Variants in DOCK10 observed in about 807,000 individuals in gnomAD.
The protein encoded by DOCK10 is dedicator of cytokinesis 10, also known as dedicator of cytokinesis protein 10.
In DOCK10, 145 loss-of-function variants were observed where a neutral mutation model predicts 280.1. The ratio of observed to expected loss-of-function variants is 0.52; its 90% confidence interval spans 0.45 to 0.59. DOCK10 has a LOEUF of 0.59. DOCK10 is among the 20% of genes least tolerant of loss of function. The pLI, the probability that DOCK10 is intolerant of heterozygous loss-of-function variation, is 0.00. For missense variants in DOCK10, 2,368 were observed against 2,651.7 expected (o/e 0.89, Z 2.35); for synonymous variants, 915 against 942.2 (o/e 0.97, Z 0.53).
intron 50 of DOCK10, among the ~76,000 whole-genome samples, chr2:224,785,292 C>CT (rs71774747): frequency 0.57 from 84,490 of 148,594 alleles, 25,892 homozygotes; most frequent in African/African-American, 0.8. Context: ...TCTAAATTTG[C>CT]TTTTTTTTTT....
chr2:224,799,866 A>T (rs1692850445), intron 41 of DOCK10, among the ~76,000 whole-genome samples: 1 of 152,188 alleles, frequency 6.6e-6, no homozygotes, highest in Admixed American at 6.5e-5. Context: ...ACAGAGTCAC[A>T]CTATCACTCA....
At chr2:224,853,569 T>G (rs964252432) in intron 16 of DOCK10, among the ~76,000 whole-genome samples, 2 of 152,204 alleles carry the variant, frequency 1.3e-5, no homozygotes, top group African/African-American at 2.4e-5. Context: ...AATAGCAATA[T>G]CTCTCTAAAT....
At chr2:224,921,224 C>T (rs1467606076) in intron 2 of DOCK10, among the ~76,000 whole-genome samples, 2 of 147,020 alleles carry the variant, frequency 1.4e-5, no homozygotes, top group Non-Finnish European at 3.0e-5. Context: ...ATCACTCGAA[C>T]CTGGGAGGGG....
intron 1 of DOCK10, among the ~76,000 whole-genome samples, chr2:224,998,330 G>GAACATTACC: frequency 6.6e-6 from 1 of 151,912 alleles, no homozygotes; most frequent in South Asian, 2.1e-4. Flanking sequence ...AGGAGCAAAC[G>GAACATTACC]AACATTACCA....
chr2:224,877,374 G>A (rs930103190), intron 7 of DOCK10, among the ~76,000 whole-genome samples: 9 of 143,388 alleles, frequency 6.3e-5, no homozygotes, highest in Non-Finnish European at 1.3e-4. Flanking sequence ...GACACTTGAA[G>A]GATTCAATAG....
intron 1 of DOCK10, among the ~76,000 whole-genome samples, chr2:225,016,631 A>ATATGTG (rs1559962957): frequency 3.9e-4 from 13 of 33,384 alleles, no homozygotes; most frequent in South Asian, 1.4e-3. Flanking sequence ...GCACATAGAT[A>ATATGTG]CATATATCTA....
intron 11 of DOCK10, among the ~76,000 whole-genome samples, chr2:224,866,579 A>G (rs1392649763): frequency 6.6e-6 from 1 of 152,190 alleles, no homozygotes; most frequent in Admixed American, 6.5e-5. Context: ...CTCCATTGAT[A>G]ACTTCCATTG....
rs1396108342 is a variant in DOCK10, at chr2:224,834,175, G to A, written c.2939C>T (p.Ser980Leu). The A allele has an allele frequency of 6.2e-6, 10 of 1,610,688 alleles. No homozygotes were observed. The highest frequency in any genetic ancestry group is 1.6e-4 in the Middle Eastern group (1 of 6,078). Residue 980 changes from serine (S) to leucine (L), a missense_variant, in exon 26 of 56, where the codon TCA becomes TTA. By Grantham distance (145) the Ser-to-Leu change is moderately radical (BLOSUM62 -2). This residue lies in a region of DOCK10 where 1,209 missense variants were observed against 1,250.9 expected (regional missense o/e 0.97). Coordinates refer to ENST00000258390, the MANE Select transcript of DOCK10 (RefSeq NM_014689.3). The stretch of plus-strand genomic sequence containing the variant: ...CTTTAGGACATGCTTTACTGTTGTT[G>A]AGTCATTTGATTTCAAAAGACCAGT... ...NVTGLLKSNDSTTVKHVLKHS... is the reference protein window; with the variant it reads ...NVTGLLKSNDLTTVKHVLKHS...
chr2:224,778,921 C>A (rs1691081917), intron 50 of DOCK10, among the ~76,000 whole-genome samples: 1 of 152,144 alleles, frequency 6.6e-6, no homozygotes, highest in Non-Finnish European at 1.5e-5. Flanking sequence ...CTTAATCATG[C>A]AATTCACCTT....
At position 224,855,070 on chromosome 2, in the gene DOCK10, C is replaced by CACAT. The variant is rs767094883; in HGVS notation, c.1809-29_1809-28insATGT. On this transcript the variant is annotated intron_variant, in intron 15 of 55. Transcript: ENST00000258390. Reference sequence around the variant, plus strand: ...GTAAGAGTGCATGAGCAAGGACACACACACACACACACACACACACACACA... The same window carrying CACAT: ...GTAAGAGTGCATGAGCAAGGACACACACATACACACACACACACACACACACACA... 1.4e-5 allele frequency: 13 copies of CACAT among 955,386 alleles called. No individual in the cohort carries two copies. The African/African-American group carries it at 1.9e-4, about 14-fold the overall frequency. The allele number at this position is 955,386 out of a possible 1,614,324, so 59.2% of individuals were successfully genotyped here.
chr2:224,779,061 C>A (rs899470716), intron 50 of DOCK10, among the ~76,000 whole-genome samples: 3 of 152,082 alleles, frequency 2.0e-5, no homozygotes, highest in African/African-American at 7.2e-5. Flanking sequence ...TGGTTTGAAG[C>A]AGGGGGAAGG....
At chr2:224,856,519 A>T (rs1189349235) in intron 15 of DOCK10, among the ~76,000 whole-genome samples, 1 of 152,210 alleles carries the variant, frequency 6.6e-6, no homozygotes, top group Non-Finnish European at 1.5e-5. Flanking sequence ...AGCCCATGCC[A>T]TGTGTGGAAG....
chr2:224,774,778 C>A, intron 52 of DOCK10, 127 bp downstream of exon 52: 1 of 819,868 alleles, frequency 1.2e-6, no homozygotes. Flanking sequence ...CAAACATTTC[C>A]CAGTTAGCAC....
At chr2:224,857,911 A>G (rs745382969) in intron 14 of DOCK10, among the ~76,000 whole-genome samples, 5 of 152,200 alleles carry the variant, frequency 3.3e-5, no homozygotes, top group Non-Finnish European at 5.9e-5. Context: ...AGTGTTAAAT[A>G]GAACACCAAA....
At chr2:224,857,764 T>G (rs1413870725) in intron 14 of DOCK10, among the ~76,000 whole-genome samples, 1 of 152,196 alleles carries the variant, frequency 6.6e-6, no homozygotes, top group African/African-American at 2.4e-5. Flanking sequence ...AGAATTTTTT[T>G]TTTTTACTTC....
intron 1 of DOCK10, among the ~76,000 whole-genome samples, chr2:225,015,590 C>T (rs1156943746): frequency 2.0e-5 from 3 of 152,172 alleles, no homozygotes; most frequent in African/African-American, 4.8e-5. Flanking sequence ...GAAACCCAGG[C>T]CAGCAGGCAG....
chr2:224,962,450 C>T (rs1476680458), intron 1 of DOCK10, among the ~76,000 whole-genome samples: 6 of 152,202 alleles, frequency 3.9e-5, no homozygotes, highest in Non-Finnish European at 7.4e-5. Flanking sequence ...CACTCTCTAC[C>T]CACTTTTTTC....
At chr2:224,789,509 C>A (rs151009774) in intron 47 of DOCK10, among the ~76,000 whole-genome samples, 168 of 152,292 alleles carry the variant, frequency 1.1e-3, no homozygotes, top group African/African-American at 3.6e-3. Context: ...ACATTAATAT[C>A]TCTCTCAAAG....
chr2:225,033,922 C>A (rs374006777), intron 1 of DOCK10, among the ~76,000 whole-genome samples: 1 of 152,120 alleles, frequency 6.6e-6, no homozygotes, highest in Non-Finnish European at 1.5e-5. Context: ...GTTGAAGGAG[C>A]CTTTGTTTGC....
Sources: gnomAD v4.1 joint callset for allele counts (sites outside exome capture counted in the v4.1 genomes callset) on GRCh38, gnomAD v4.1.1 for gene constraint, gnomAD v4.1.1 regional missense constraint, MANE v1.5 for transcripts, NCBI Gene and HGNC (gene_info 2026-07-23, HGNC 2026-07-21) for gene names.